The following ZNF469 variants were observed in gnomAD, a reference collection of about 807,000 sequenced individuals.
The protein encoded by ZNF469 is zinc finger protein 469.
Under a neutral mutation model 1.0 loss-of-function variants are expected in ZNF469, and 1 was observed. The ratio of observed to expected loss-of-function variants is 1.00; its 90% confidence interval spans 0.35 to 4.73. The LOEUF (loss-of-function observed/expected upper bound fraction) is 4.73. Ranked by LOEUF, ZNF469 falls within the 30% of genes most tolerant of loss-of-function variation. ZNF469 has a pLI of 0.16. For synonymous variants in ZNF469, 2,703 were observed against 2,363.4 expected (o/e 1.14, Z -4.17); for missense variants, 6,100 against 5,356.3 (o/e 1.14, Z -4.33).
intron 1 of ZNF469, among the ~76,000 whole-genome samples, chr16:88,401,517 G>A (rs1904855447): frequency 6.6e-6 from 1 of 152,104 alleles, no homozygotes; most frequent in South Asian, 2.1e-4. Context: ...ATGGGTGAGT[G>A]GATGGATGGA....
At chr16:88,390,073 C>T (rs927979878) in intron 1 of ZNF469, among the ~76,000 whole-genome samples, 2 of 152,172 alleles carry the variant, frequency 1.3e-5, no homozygotes, top group Non-Finnish European at 2.9e-5. Flanking sequence ...GGCTGTGTGT[C>T]GAGGAGAAAG....
the ZNF469 span, among the ~76,000 whole-genome samples, chr16:88,345,102 G>C: frequency 1.3e-5 from 2 of 152,222 alleles, no homozygotes; most frequent in Non-Finnish European, 2.9e-5. Context: ...AGCCTGGGAT[G>C]GGGGGAGTGG....
At chr16:88,390,568 A>T (rs1263583567) in intron 1 of ZNF469, among the ~76,000 whole-genome samples, 1 of 152,188 alleles carries the variant, frequency 6.6e-6, no homozygotes, top group East Asian at 1.9e-4. Flanking sequence ...AGGCAAGCTG[A>T]CTTTTCCTGC....
At chr16:88,120,490 G>A in the ZNF469 span, among the ~76,000 whole-genome samples, 11 of 152,382 alleles carry the variant, frequency 7.2e-5, no homozygotes, top group Middle Eastern at 3.4e-3. Flanking sequence ...GCTGGAGGAC[G>A]TGGGTGGTGT....
the ZNF469 span, among the ~76,000 whole-genome samples, chr16:88,186,248 C>G: frequency 6.6e-6 from 1 of 152,184 alleles, no homozygotes; most frequent in Non-Finnish European, 1.5e-5. Flanking sequence ...CAAGGATGCC[C>G]TCTCCCTGCA....
At chr16:88,180,147 T>C in the ZNF469 span, among the ~76,000 whole-genome samples, 1 of 151,794 alleles carries the variant, frequency 6.6e-6, no homozygotes, top group Non-Finnish European at 1.5e-5. Context: ...CTTGATCCAA[T>C]AGAAGGAAGA....
At chr16:88,232,012 C>G in the ZNF469 span, among the ~76,000 whole-genome samples, 1 of 152,152 alleles carries the variant, frequency 6.6e-6, no homozygotes, top group African/African-American at 2.4e-5. Context: ...TGCATGGACC[C>G]AGGCATGGTG....
the ZNF469 span, among the ~76,000 whole-genome samples, chr16:88,232,257 G>A: frequency 6.4e-4 from 98 of 152,206 alleles, no homozygotes; most frequent in Non-Finnish European, 5.9e-5. Flanking sequence ...TGAAAGGATT[G>A]CCCTGCACAG....
chr16:88,238,316 G>A, the ZNF469 span, among the ~76,000 whole-genome samples: 1 of 152,206 alleles, frequency 6.6e-6, no homozygotes, highest in East Asian at 1.9e-4. Context: ...TCTGTCGGGT[G>A]GAGAGCCGCA....
chr16:88,319,818 G>T, the ZNF469 span, among the ~76,000 whole-genome samples: 1 of 152,188 alleles, frequency 6.6e-6, no homozygotes, highest in African/African-American at 2.4e-5. Context: ...CTACAGGTGG[G>T]ACCCTGACTC....
In ZNF469 at chr16:88,431,271, G is replaced by C. The variant is rs1257831916; in HGVS notation, c.3801G>C (p.Gln1267His). Residue 1267 changes from glutamine (Q) to histidine (H), a missense_variant, in exon 3 of 3, where the codon CAG (glutamine) becomes CAC (histidine). Coordinates refer to ENST00000565624, the MANE Select transcript of ZNF469 (RefSeq NM_001367624.2). ...GASPGLLIPE[Q>H]PPPSRHDTGT... ...GCCCCGGTCTCCTGATACCAGAGCA[G>C]CCGCCGCCCAGCAGACATGACACCG... 1 of 1,550,202 alleles carries C rather than the reference G, an allele frequency of 6.5e-7. No homozygotes were observed. Among genetic ancestry groups the C allele is most frequent in the Admixed American group, 2.0e-5 (1 of 50,994 alleles).
At chr16:88,367,670 G>T in the ZNF469 span, among the ~76,000 whole-genome samples, 1 of 152,324 alleles carries the variant, frequency 6.6e-6, no homozygotes, top group African/African-American at 2.4e-5. Flanking sequence ...GCCCAAGCAT[G>T]CAGTGACCTC....
the ZNF469 span, among the ~76,000 whole-genome samples, chr16:88,174,852 G>A: frequency 4.6e-5 from 7 of 152,204 alleles, no homozygotes; most frequent in East Asian, 3.9e-4. Context: ...TAGGCTATTC[G>A]TAGTTTCTGG....
the ZNF469 span, among the ~76,000 whole-genome samples, chr16:88,181,491 C>T: frequency 1.3e-5 from 2 of 151,914 alleles, no homozygotes; most frequent in Admixed American, 1.3e-4. Flanking sequence ...GTGGCCACAA[C>T]AGAATTAAGC....
chr16:88,236,443 T>C, the ZNF469 span, among the ~76,000 whole-genome samples: 11 of 152,242 alleles, frequency 7.2e-5, no homozygotes, highest in East Asian at 1.9e-4. Context: ...CTGAATTCCA[T>C]AGGGAGGCGG....
the ZNF469 span, among the ~76,000 whole-genome samples, chr16:88,323,940 G>A: frequency 6.6e-6 from 1 of 152,226 alleles, no homozygotes; most frequent in Admixed American, 6.5e-5. Context: ...TACCATGGTA[G>A]AACAATCACC....
Position 88,435,703 on chromosome 16 carries a change from A to G in ZNF469, c.8233A>G (p.Thr2745Ala), listed in dbSNP as rs1906522708. Residue 2745 changes from threonine to alanine, a missense_variant, in exon 3 of 3, where the codon ACT (threonine) becomes GCT (alanine). Thr to Ala is a moderately conservative substitution (Grantham distance 58). Coordinates refer to ENST00000565624, the MANE Select transcript of ZNF469 (RefSeq NM_001367624.2). Reference sequence around the variant, plus strand: ...TGGTGCAGCTCTGGGGGAACAGCCAACTGGGCAGAAGGGAGCCTCGGCAAG... The same window carrying G: ...TGGTGCAGCTCTGGGGGAACAGCCAGCTGGGCAGAAGGGAGCCTCGGCAAG... ...MDGAALGEQP[T>A]GQKGASARGF... 5 of 1,550,716 alleles carry G rather than the reference A, an allele frequency of 3.2e-6. No homozygotes were observed. The highest frequency in any genetic ancestry group is 4.9e-5 in the East Asian group (2 of 40,926).
chr16:88,314,278 G>T, the ZNF469 span, among the ~76,000 whole-genome samples: 1 of 136,906 alleles, frequency 7.3e-6, no homozygotes, highest in African/African-American at 2.6e-5. Context: ...ATGCTGGTGT[G>T]GACTATCATC....
chr16:88,421,891 C>T (rs986397407), intron 1 of ZNF469, among the ~76,000 whole-genome samples: 2 of 152,244 alleles, frequency 1.3e-5, no homozygotes, highest in East Asian at 1.9e-4. Flanking sequence ...CCTAAGGCTG[C>T]GAATCTGTCA....
Sources: allele counts gnomAD v4.1 joint callset (sites outside exome capture counted in the v4.1 genomes callset), GRCh38; gene constraint gnomAD v4.1.1; transcripts MANE v1.5; gene names NCBI Gene and HGNC (gene_info 2026-07-23, HGNC 2026-07-21).